EBF1: variants seen among roughly 807,000 people sequenced by gnomAD.
The protein encoded by EBF1 is EBF transcription factor 1.
EBF1 carries 10 observed loss-of-function variants against 68.4 expected under a neutral mutation model. The ratio of observed to expected loss-of-function variants is 0.15; its 90% CI spans 0.09 to 0.25. The LOEUF (loss-of-function observed/expected upper bound fraction) is 0.25. EBF1 is among the 10% of genes least tolerant of loss of function. The pLI, the probability that EBF1 is intolerant of heterozygous loss-of-function variation, is 1.00. For synonymous variants in EBF1, 298 were observed against 299.8 expected, an observed-to-expected ratio of 0.99 and a Z score of 0.06; for missense variants, 509 against 794.4, an observed-to-expected ratio of 0.64 and a Z score of 4.32.
intron 15 of EBF1, 78 bp downstream of exon 15, chr5:158,707,901 T>C: frequency 1.4e-6 from 2 of 1,457,220 alleles, no homozygotes; most frequent in Non-Finnish European, 1.9e-6. Flanking sequence ...TCAGCAATGG[T>C]GATGCATCTG....
In EBF1 at chr5:158,791,795, T is replaced by C. The variant is rs1038332075; in HGVS notation, c.909+4550A>G. Reference sequence around the variant, plus strand: ...AAACTACCAATTTAATACTAGATTATATAAATATATTATGTAACTCTCTAA... The same window carrying C: ...AAACTACCAATTTAATACTAGATTACATAAATATATTATGTAACTCTCTAA... On this transcript the variant is annotated intron_variant, in intron 9 of 15. Coordinates refer to ENST00000313708, the MANE Select transcript of EBF1 (RefSeq NM_024007.5). Among the ~76,000 whole-genome samples the C allele has an allele frequency of 6.6e-5, 10 of 152,270 alleles. No homozygotes were observed. The South Asian group carries it at 1.5e-3, about 22-fold the overall frequency.
intron 6 of EBF1, among the ~76,000 whole-genome samples, chr5:158,977,985 A>G (rs371182200): frequency 6.6e-6 from 1 of 152,348 alleles, no homozygotes; most frequent in East Asian, 1.9e-4. Flanking sequence ...GACAAAGGGA[A>G]GAGGCTGCCT....
chr5:158,919,257 G>A (rs1807876453), intron 6 of EBF1, among the ~76,000 whole-genome samples: 1 of 151,616 alleles, frequency 6.6e-6, no homozygotes, highest in African/African-American at 2.4e-5. Flanking sequence ...TTTTGAAATG[G>A]AAGTTTGGAA....
intron 6 of EBF1, among the ~76,000 whole-genome samples, chr5:158,855,221 C>G (rs866575949): frequency 2.0e-5 from 3 of 152,186 alleles, no homozygotes; most frequent in Non-Finnish European, 4.4e-5. Context: ...CAATAATTTT[C>G]CACTAAATCA....
intron 6 of EBF1, among the ~76,000 whole-genome samples, chr5:158,957,941 A>G (rs1817466315): frequency 6.6e-6 from 1 of 152,200 alleles, no homozygotes; most frequent in African/African-American, 2.4e-5. Flanking sequence ...TATCTTTTAC[A>G]CGAGGCTTAG....
At chr5:158,910,537 T>G (rs1805733712) in intron 6 of EBF1, among the ~76,000 whole-genome samples, 1 of 152,222 alleles carries the variant, frequency 6.6e-6, no homozygotes, top group Non-Finnish European at 1.5e-5. Context: ...AAAGAACCAG[T>G]ATGTTGAATC....
At chr5:158,882,517 G>A (rs905689842) in intron 6 of EBF1, among the ~76,000 whole-genome samples, 2 of 152,142 alleles carry the variant, frequency 1.3e-5, no homozygotes, top group African/African-American at 4.8e-5. Context: ...TAGAAAGATA[G>A]GTGTTGGAGA....
chr5:158,970,079 T>C (rs958233768), intron 6 of EBF1, among the ~76,000 whole-genome samples: 7 of 152,148 alleles, frequency 4.6e-5, no homozygotes, highest in Non-Finnish European at 1.0e-4. Context: ...TAATATCACC[T>C]AACACTGAGA....
intron 8 of EBF1, among the ~76,000 whole-genome samples, chr5:158,805,355 C>T (rs1281518529): frequency 6.6e-6 from 1 of 152,070 alleles, no homozygotes; most frequent in African/African-American, 2.4e-5. Flanking sequence ...AATGTGTGTG[C>T]CGGATTATCC....
At chr5:158,957,460 G>A (rs765269497) in intron 6 of EBF1, among the ~76,000 whole-genome samples, 2 of 152,234 alleles carry the variant, frequency 1.3e-5, no homozygotes, top group Non-Finnish European at 2.9e-5. Flanking sequence ...AGGAGATGCT[G>A]AATCAACAGT....
At chr5:158,715,432 A>G (rs1020204528) in intron 11 of EBF1, among the ~76,000 whole-genome samples, 2 of 152,198 alleles carry the variant, frequency 1.3e-5, no homozygotes, top group Non-Finnish European at 2.9e-5. Flanking sequence ...GCATTTTTCA[A>G]TTTTAAATTC....
chr5:159,085,042 G>A (rs1780391113), intron 4 of EBF1, among the ~76,000 whole-genome samples: 1 of 152,130 alleles, frequency 6.6e-6, no homozygotes, highest in Non-Finnish European at 1.5e-5. Context: ...CATCAATAAG[G>A]AGGGAAACCC....
intron 6 of EBF1, among the ~76,000 whole-genome samples, chr5:158,880,998 T>C (rs1798792740): frequency 6.6e-6 from 1 of 151,456 alleles, no homozygotes; most frequent in South Asian, 2.1e-4. Flanking sequence ...ACTTACAGAC[T>C]GCAAAGAAGA....
rs575695795 is a variant in EBF1 at position 158,698,037 on chromosome 5, G to A, written c.*1074C>T. Reference sequence around the variant, plus strand: ...AATCTATTATGTTACAAATGGTAAGGGTCGACTGATAGAGGCAGTATCTGG... The same window carrying A: ...AATCTATTATGTTACAAATGGTAAGAGTCGACTGATAGAGGCAGTATCTGG... On this transcript the variant is annotated 3_prime_UTR_variant, in exon 16 of 16. Transcript: ENST00000313708. 1.9e-5 allele frequency: 4 copies of A among 214,968 alleles called. No homozygotes were observed. The highest frequency in any genetic ancestry group is 9.0e-5 in the African/African-American group (4 of 44,388). The allele number at this position is 214,968 out of a possible 1,614,324, so 13.3% of individuals were successfully genotyped here.
At chr5:158,742,285 ATTC>A (rs1393198242) in intron 10 of EBF1, among the ~76,000 whole-genome samples, 1 of 152,194 alleles carries the variant, frequency 6.6e-6, no homozygotes, top group Non-Finnish European at 1.5e-5. Context: ...CTAATAACAC[ATTC>A]TTCTTCCCTT....
In EBF1 at chr5:159,099,645, G is replaced by T; in HGVS notation, c.-167C>A. 1 of 902,048 alleles carries T rather than the reference G, an allele frequency of 1.1e-6. No homozygotes were observed. Among genetic ancestry groups the T allele is most frequent in the Non-Finnish European group, 1.5e-6 (1 of 653,698 alleles). The allele number at this position is 902,048 out of a possible 1,614,324, so 55.9% of individuals were successfully genotyped here. Reference sequence around the variant, plus strand: ...TTAGAAGATCAAGGCGGGCTGGAAAGCAAATTTTTAAAAAATGTAAACCTC... The same window carrying T: ...TTAGAAGATCAAGGCGGGCTGGAAATCAAATTTTTAAAAAATGTAAACCTC... On this transcript the variant is annotated 5_prime_UTR_variant, in exon 1 of 16. Transcript: ENST00000313708.
At chr5:159,087,953 T>G (rs931144819) in intron 4 of EBF1, among the ~76,000 whole-genome samples, 1 of 152,202 alleles carries the variant, frequency 6.6e-6, no homozygotes, top group Admixed American at 6.5e-5. Flanking sequence ...TAGAACAATA[T>G]TTTTCAGCAC....
intron 4 of EBF1, among the ~76,000 whole-genome samples, chr5:159,089,987 A>C (rs1288555740): frequency 6.6e-6 from 1 of 152,050 alleles, no homozygotes; most frequent in Admixed American, 6.6e-5. Flanking sequence ...GTACCTTGAA[A>C]ATATGTTACT....
chr5:159,073,291 A>G, intron 6 of EBF1, 105 bp downstream of exon 6: 1 of 1,234,226 alleles, frequency 8.1e-7, no homozygotes, highest in East Asian at 2.3e-5. Context: ...CCAACAGGCA[A>G]ATTTCAGCCA....
Sources: allele counts gnomAD v4.1 joint callset (sites outside exome capture counted in the v4.1 genomes callset), GRCh38; gene constraint gnomAD v4.1.1; transcripts MANE v1.5; gene names NCBI Gene and HGNC (gene_info 2026-07-23, HGNC 2026-07-21).